Variants in ANKRD17 observed in about 807,000 individuals in gnomAD.
ANKRD17 encodes the protein ankyrin repeat domain-containing protein 17.
ANKRD17 carries 19 observed loss-of-function variants against 229.7 expected under a neutral mutation model. The observed-to-expected ratio is 0.08, with a 90% CI of 0.06 to 0.12. The LOEUF is 0.12. ANKRD17 is among the 10% of genes least tolerant of loss of function. The pLI, the probability that ANKRD17 is intolerant of heterozygous loss-of-function variation, is 1.00. For synonymous variants in ANKRD17, 1,112 were observed against 1,146.1 expected (o/e 0.97, Z 0.60); for missense variants, 2,176 against 3,176.8 (o/e 0.68, Z 7.57).
intron 1 of ANKRD17, among the ~76,000 whole-genome samples, chr4:73,224,023 G>A (rs1210854263): frequency 6.6e-6 from 1 of 152,196 alleles, no homozygotes; most frequent in South Asian, 2.1e-4. Flanking sequence ...AGGCTGAGGC[G>A]AGCAGATCAT....
At chr4:73,154,220 A>G (rs1051701296) in intron 5 of ANKRD17, 107 bp from the exon 6 acceptor site, 2 of 579,638 alleles carry the variant, frequency 3.5e-6, no homozygotes, top group Non-Finnish European at 5.4e-6. Context: ...AACCATAATA[A>G]ATATTAAATT....
chr4:73,091,814 A>C lies in ANKRD17; in HGVS notation c.5814T>G (p.Thr1938=). Residue 1938 remains threonine (T), a synonymous_variant, in exon 29 of 34, where the codon ACT becomes ACG. Coordinates refer to ENST00000358602, the MANE Select transcript of ANKRD17 (RefSeq NM_032217.5). ...GCACCATGTGAGGCTTAGGCGAGTT[A>C]GTAGCTCTGGCAGGGCTCAAAGGCC... ...PVRPLSPARA[T]NSPKPHMVPR... The C allele has an allele frequency of 6.2e-7, 1 of 1,614,206 alleles. No homozygotes were observed.
intron 1 of ANKRD17, among the ~76,000 whole-genome samples, chr4:73,226,876 A>G (rs1742568587): frequency 1.3e-5 from 2 of 151,588 alleles, no homozygotes; most frequent in African/African-American, 2.4e-5. Flanking sequence ...CACAATTTCT[A>G]ACAAAAGCAT....
rs753029480 is a variant in ANKRD17, at chr4:73,091,790, C to G, written c.5838G>C (p.Val1946=). Residue 1946 remains valine, a synonymous_variant, in exon 29 of 34, where the codon GTG becomes GTC. Coordinates refer to ENST00000358602, the MANE Select transcript of ANKRD17 (RefSeq NM_032217.5). ...TGCTATTCTGATTGCTATGGCGAGGCACCATGTGAGGCTTAGGCGAGTTAG... is the reference window on the plus strand; with the variant it reads ...TGCTATTCTGATTGCTATGGCGAGGGACCATGTGAGGCTTAGGCGAGTTAG... ...RATNSPKPHM[V]PRHSNQNSSG... The G allele has an allele frequency of 2.5e-6, 4 of 1,614,032 alleles. No individual in the cohort carries two copies. The highest frequency in any genetic ancestry group is 8.5e-7 in the Non-Finnish European group (1 of 1,180,042).
chr4:73,200,205 A>C (rs768706007), intron 1 of ANKRD17, among the ~76,000 whole-genome samples: 6 of 152,170 alleles, frequency 3.9e-5, no homozygotes, highest in Non-Finnish European at 8.8e-5. Context: ...TTAGTAAATA[A>C]ATCTTTACTC....
chr4:73,252,161 A>G (rs1273668677), intron 1 of ANKRD17, among the ~76,000 whole-genome samples: 1 of 152,220 alleles, frequency 6.6e-6, no homozygotes, highest in Admixed American at 6.5e-5. Flanking sequence ...AGATACAAAG[A>G]CTTACATAAG....
chr4:73,224,605 A>G (rs1742270666), intron 1 of ANKRD17, among the ~76,000 whole-genome samples: 2 of 152,266 alleles, frequency 1.3e-5, no homozygotes, highest in African/African-American at 2.4e-5. Context: ...CCTCATAACA[A>G]CCCAGCTATG....
chr4:73,193,680 T>C (rs1737439779), intron 1 of ANKRD17, among the ~76,000 whole-genome samples: 1 of 152,142 alleles, frequency 6.6e-6, no homozygotes, highest in African/African-American at 2.4e-5. Flanking sequence ...CATCTGCAAT[T>C]GGAGCACTTT....
intron 25 of ANKRD17, chr4:73,100,905 C>CCA: frequency 1.0e-6 from 1 of 985,280 alleles, no homozygotes; most frequent in South Asian, 4.7e-5. Flanking sequence ...TGGTTCCTTC[C>CCA]CACAATACAG....
intron 11 of ANKRD17, among the ~76,000 whole-genome samples, 159 bp downstream of exon 11, chr4:73,144,586 C>A (rs1456876076): frequency 6.6e-6 from 1 of 152,120 alleles, no homozygotes; most frequent in Non-Finnish European, 1.5e-5. Flanking sequence ...CTGTGCATGG[C>A]AGGATGTTTA....
At chr4:73,086,887 G>A (rs1392081492) in intron 29 of ANKRD17, among the ~76,000 whole-genome samples, 2 of 67,156 alleles carry the variant, frequency 3.0e-5, no homozygotes, top group Non-Finnish European at 2.7e-5. Flanking sequence ...GTCCGAGTGA[G>A]ACTCCATCTC....
chr4:73,102,127 A>AT (rs942728337), intron 25 of ANKRD17, among the ~76,000 whole-genome samples: 3 of 151,114 alleles, frequency 2.0e-5, no homozygotes, highest in South Asian at 2.1e-4. Context: ...ATTAAAAAAA[A>AT]TTTTTTTCCT....
intron 1 of ANKRD17, among the ~76,000 whole-genome samples, chr4:73,247,399 C>G (rs1038520743): frequency 5.9e-5 from 9 of 151,932 alleles, no homozygotes; most frequent in African/African-American, 2.2e-4. Context: ...GTTTCATACT[C>G]AAAAATAACT....
At chr4:73,081,127 G>C (rs999467375) in intron 30 of ANKRD17, among the ~76,000 whole-genome samples, 1 of 152,140 alleles carries the variant, frequency 6.6e-6, no homozygotes, top group Admixed American at 6.5e-5. Flanking sequence ...TTTTATTTTA[G>C]GCTAGTCAGT....
chr4:73,103,265 CTT>C (rs1004639008), intron 24 of ANKRD17, among the ~76,000 whole-genome samples: 6 of 151,730 alleles, frequency 4.0e-5, no homozygotes, highest in African/African-American at 1.5e-4. Flanking sequence ...AGAGAACCCT[CTT>C]TGTGCATCGA....
chr4:73,215,601 T>C (rs1322359512), intron 1 of ANKRD17, among the ~76,000 whole-genome samples: 5 of 152,156 alleles, frequency 3.3e-5, no homozygotes, highest in Non-Finnish European at 7.4e-5. Context: ...AAGAAACCAG[T>C]ATTTTACTAT....
At chr4:73,181,060 G>C (rs933502154) in intron 1 of ANKRD17, among the ~76,000 whole-genome samples, 1 of 152,042 alleles carries the variant, frequency 6.6e-6, no homozygotes, top group Non-Finnish European at 1.5e-5. Context: ...AGATGATTTT[G>C]GTATTCTTCC....
intron 3 of ANKRD17, among the ~76,000 whole-genome samples, chr4:73,158,182 AAGAAAGAGAG>A (rs1230713335): frequency 6.6e-6 from 1 of 150,600 alleles, no homozygotes; most frequent in Non-Finnish European, 1.5e-5. Flanking sequence ...GAAAGAAAGA[AAGAAAGAGAG>A]AGAAAGAAAG....
At chr4:73,120,056 G>C in intron 21 of ANKRD17, 106 bp downstream of exon 21, 1 of 1,252,476 alleles carries the variant, frequency 8.0e-7, no homozygotes, top group Non-Finnish European at 1.1e-6. Context: ...GTTTATAAAA[G>C]AAGAAATAAT....
Sources: allele counts gnomAD v4.1 joint callset (sites outside exome capture counted in the v4.1 genomes callset), GRCh38; gene constraint gnomAD v4.1.1; transcripts MANE v1.5; gene names NCBI Gene and HGNC (gene_info 2026-07-23, HGNC 2026-07-21).